The following RALGPS1 variants were observed in gnomAD, a reference collection of about 807,000 sequenced individuals.
RALGPS1 encodes ras-specific guanine nucleotide-releasing factor RalGPS1.
A neutral mutation model predicts 78.8 loss-of-function variants in RALGPS1; 19 were observed. That is an observed-to-expected ratio of 0.24 (90% CI 0.17 to 0.35). The LOEUF is 0.35. Ranked by LOEUF, RALGPS1 falls within the 10% of genes least tolerant of loss-of-function variation. The pLI is 1.00. For synonymous variants in RALGPS1, 228 were observed against 256.3 expected (o/e 0.89, Z 1.06); for missense variants, 454 against 688.3 (o/e 0.66, Z 3.81).
At chr9:127,131,873 C>G (rs1444014806) in intron 8 of RALGPS1, among the ~76,000 whole-genome samples, 1 of 152,184 alleles carries the variant, frequency 6.6e-6, no homozygotes, top group Non-Finnish European at 1.5e-5. Flanking sequence ...GGTTCTCGAG[C>G]TTTTGCGCTT....
At chr9:127,015,739 A>T (rs2044753584) in intron 4 of RALGPS1, among the ~76,000 whole-genome samples, 1 of 152,122 alleles carries the variant, frequency 6.6e-6, no homozygotes. Flanking sequence ...TCTTGGGAAC[A>T]TGGAAAACAT....
chr9:127,115,556 A>G (rs1481246084), intron 8 of RALGPS1, among the ~76,000 whole-genome samples: 3 of 152,258 alleles, frequency 2.0e-5, no homozygotes, highest in East Asian at 3.8e-4. Flanking sequence ...TCGCTTGTTC[A>G]AGATCACTTG....
At chr9:126,964,693 T>A (rs1359632409) in intron 2 of RALGPS1, among the ~76,000 whole-genome samples, 1 of 152,158 alleles carries the variant, frequency 6.6e-6, no homozygotes, top group East Asian at 1.9e-4. Flanking sequence ...GTAGACTCAT[T>A]TTAAAATCTT....
chr9:127,056,540 C>T (rs2048759263), intron 7 of RALGPS1, among the ~76,000 whole-genome samples: 2 of 152,162 alleles, frequency 1.3e-5, no homozygotes, highest in Admixed American at 1.3e-4. Context: ...TGGCATAGAA[C>T]ATTTAGGAAA....
chr9:126,971,775 A>G (rs1397365521), intron 3 of RALGPS1, among the ~76,000 whole-genome samples: 1 of 152,198 alleles, frequency 6.6e-6, no homozygotes, highest in Non-Finnish European at 1.5e-5. Context: ...TGAGGGTTAA[A>G]GGTAGAGGGT....
At chr9:127,022,787 C>G (rs1416373665) in intron 4 of RALGPS1, among the ~76,000 whole-genome samples, 1 of 152,210 alleles carries the variant, frequency 6.6e-6, no homozygotes, top group Non-Finnish European at 1.5e-5. Flanking sequence ...TCCATGCCAG[C>G]TTGTCAGACA....
chr9:127,107,377 T>C (rs1433268026), intron 8 of RALGPS1, among the ~76,000 whole-genome samples: 1 of 152,238 alleles, frequency 6.6e-6, no homozygotes, highest in Non-Finnish European at 1.5e-5. Flanking sequence ...GGAAGCATCA[T>C]TGAAAATTCT....
At position 127,139,716 on chromosome 9, in the gene RALGPS1, C is replaced by T. The variant is rs566710952; in HGVS notation, c.611-26353C>T. Among the ~76,000 whole-genome samples, 4 of 152,334 alleles carry T rather than the reference C, an allele frequency of 2.6e-5. No individual in the cohort carries two copies. In the South Asian group the frequency reaches 8.3e-4, roughly 32 times the overall value. ...TGGTGTGGGTGGTCTCCCTGTGCCT[C>T]GGCCTCCATGTAGGTAGAACAGCTG... On this transcript the variant is annotated intron_variant, in intron 8 of 18. Coordinates refer to ENST00000259351, the MANE Select transcript of RALGPS1 (RefSeq NM_014636.3).
Position 127,214,762 on chromosome 9 carries a change from A to G in RALGPS1, c.1564A>G (p.Lys522Glu). 2.5e-6 allele frequency: 4 copies of G among 1,609,616 alleles called. No homozygotes were observed. The highest frequency in any genetic ancestry group is 3.4e-6 in the Non-Finnish European group (4 of 1,178,414). Reference protein sequence around the residue: ...LNNPDKGNVYKFQTGSRFHAI... With the variant: ...LNNPDKGNVYEFQTGSRFHAI... ...TCTCTACCCATCAGGCAATGTTTAC[A>G]AGTTTCAGACTGGTTCCCGATTTCA... The change falls in exon 18 of 19, where the codon AAG (lysine) becomes GAG (glutamate). Residue 522 changes from lysine (K) to glutamate (E), a missense_variant. Lys to Glu is a moderately conservative substitution (Grantham distance 56). Transcript: ENST00000259351.
intron 11 of RALGPS1, among the ~76,000 whole-genome samples, chr9:127,192,457 TGC>T (rs948171839): frequency 6.6e-6 from 1 of 152,150 alleles, no homozygotes; most frequent in African/African-American, 2.4e-5. Context: ...GGAGGGATGG[TGC>T]CAAGAGGTGG....
chr9:127,014,721 C>A (rs2044659678), intron 4 of RALGPS1, among the ~76,000 whole-genome samples: 1 of 152,086 alleles, frequency 6.6e-6, no homozygotes, highest in Non-Finnish European at 1.5e-5. Context: ...TTGAGACAGC[C>A]TTCAGTCCCT....
intron 7 of RALGPS1, among the ~76,000 whole-genome samples, chr9:127,056,690 G>A (rs1279805113): frequency 6.6e-6 from 1 of 152,198 alleles, no homozygotes; most frequent in Admixed American, 6.5e-5. Flanking sequence ...CGACTCTGCA[G>A]TTTTGTTTAT....
intron 1 of RALGPS1, among the ~76,000 whole-genome samples, chr9:126,918,782 C>T (rs2034450089): frequency 6.6e-6 from 1 of 151,664 alleles, no homozygotes; most frequent in South Asian, 2.1e-4. Context: ...AAGCCATTCT[C>T]CTGCCTCAGC....
intron 8 of RALGPS1, among the ~76,000 whole-genome samples, chr9:127,072,906 T>A (rs2050327545): frequency 6.6e-6 from 1 of 152,240 alleles, no homozygotes; most frequent in African/African-American, 2.4e-5. Context: ...GTGTGACATC[T>A]ATTTTATTTT....
At chr9:127,185,833 C>T (rs2060608878) in intron 11 of RALGPS1, among the ~76,000 whole-genome samples, 1 of 152,182 alleles carries the variant, frequency 6.6e-6, no homozygotes, top group Admixed American at 6.5e-5. Flanking sequence ...GGTCAGGACT[C>T]AGGAAAAGTT....
intron 4 of RALGPS1, among the ~76,000 whole-genome samples, chr9:126,978,457 G>C (rs55981847): frequency 6.6e-6 from 1 of 151,700 alleles, no homozygotes; most frequent in African/African-American, 2.4e-5. Flanking sequence ...GTGTGTGTGC[G>C]TGTGAGATCA....
chr9:127,139,396 C>T (rs912571762), intron 8 of RALGPS1, among the ~76,000 whole-genome samples: 18 of 152,250 alleles, frequency 1.2e-4, no homozygotes, highest in African/African-American at 4.1e-4. Context: ...TGCAGTGGCA[C>T]AAACATTCAT....
At chr9:126,972,641 T>C (rs2040229410) in intron 3 of RALGPS1, among the ~76,000 whole-genome samples, 1 of 152,200 alleles carries the variant, frequency 6.6e-6, no homozygotes, top group Non-Finnish European at 1.5e-5. Flanking sequence ...TTTGCAGACA[T>C]ACCAAGAATG....
chr9:127,019,914 G>A (rs2045283393), intron 4 of RALGPS1, among the ~76,000 whole-genome samples: 1 of 151,990 alleles, frequency 6.6e-6, no homozygotes, highest in Admixed American at 6.5e-5. Flanking sequence ...AAGCTTCTAA[G>A]TTGTTTTTCT....
Sources: gnomAD v4.1 joint callset for allele counts (sites outside exome capture counted in the v4.1 genomes callset) on GRCh38, gnomAD v4.1.1 for gene constraint, MANE v1.5 for transcripts, NCBI Gene and HGNC (gene_info 2026-07-23, HGNC 2026-07-21) for gene names.